The following CSMD2 variants were observed in gnomAD, a reference collection of about 807,000 sequenced individuals.
CSMD2 encodes CUB and sushi domain-containing protein 2.
Under a neutral mutation model 398.5 loss-of-function variants are expected in CSMD2, and 130 were observed. That is an observed-to-expected ratio of 0.33 (90% CI 0.28 to 0.38). The LOEUF (loss-of-function observed/expected upper bound fraction) is 0.38. Ranked by LOEUF, CSMD2 falls within the 10% of genes least tolerant of loss-of-function variation. The pLI is 1.00. For synonymous variants in CSMD2, 1,828 were observed against 1,908.5 expected, an observed-to-expected ratio of 0.96 and a Z score of 1.10; for missense variants, 3,829 against 4,764.9, an observed-to-expected ratio of 0.80 and a Z score of 5.78.
At chr1:33,926,174 T>A (rs1644121734) in intron 4 of CSMD2, among the ~76,000 whole-genome samples, 2 of 152,228 alleles carry the variant, frequency 1.3e-5, no homozygotes, top group South Asian at 4.1e-4. Flanking sequence ...GCAGATTTCC[T>A]GGCATACAGC....
At chr1:33,817,538 A>T (rs909759698) in intron 9 of CSMD2, among the ~76,000 whole-genome samples, 1 of 152,216 alleles carries the variant, frequency 6.6e-6, no homozygotes, top group Non-Finnish European at 1.5e-5. Flanking sequence ...GTATGATTGC[A>T]ATAGGATTAG....
At chr1:33,705,495 G>C (rs576588959) in intron 22 of CSMD2, among the ~76,000 whole-genome samples, 1 of 152,244 alleles carries the variant, frequency 6.6e-6, no homozygotes, top group South Asian at 2.1e-4. Context: ...TTGGGAGATG[G>C]TTCTTTATTT....
intron 3 of CSMD2, among the ~76,000 whole-genome samples, chr1:33,995,288 T>C (rs1171878923): frequency 6.6e-6 from 1 of 152,196 alleles, no homozygotes; most frequent in Non-Finnish European, 1.5e-5. Context: ...GTCCCAGTTG[T>C]ATATGCACGT....
intron 53 of CSMD2, among the ~76,000 whole-genome samples, chr1:33,564,769 G>A (rs1658898053): frequency 6.6e-6 from 1 of 151,638 alleles, no homozygotes; most frequent in Non-Finnish European, 1.5e-5. Context: ...TTTTTGAGAA[G>A]TTCTCATTAT....
At chr1:34,151,655 C>T (rs12755908) in intron 1 of CSMD2, among the ~76,000 whole-genome samples, 64,853 of 151,944 alleles carry the variant, frequency 0.43, 14,626 homozygotes, top group Non-Finnish European at 0.5. Flanking sequence ...AAAAGGTTGA[C>T]AGGCACACAT....
chr1:33,949,956 C>G (rs1345643814), intron 3 of CSMD2, among the ~76,000 whole-genome samples: 2 of 152,188 alleles, frequency 1.3e-5, no homozygotes, highest in East Asian at 3.9e-4. Context: ...TGCCCCAAAC[C>G]CATCTCTCCC....
At chr1:33,845,279 C>T (rs1661246031) in intron 6 of CSMD2, among the ~76,000 whole-genome samples, 1 of 152,224 alleles carries the variant, frequency 6.6e-6, no homozygotes, top group Non-Finnish European at 1.5e-5. Context: ...CCAGCTTCCT[C>T]AGCTGGAGAA....
intron 3 of CSMD2, among the ~76,000 whole-genome samples, chr1:33,978,753 G>A (rs914749500): frequency 6.6e-6 from 1 of 152,168 alleles, no homozygotes; most frequent in African/African-American, 2.4e-5. Context: ...AGACCCTTCT[G>A]TCTCTCCTGA....
At chr1:33,614,269 G>T (rs1024168373) in intron 40 of CSMD2, among the ~76,000 whole-genome samples, 1 of 151,796 alleles carries the variant, frequency 6.6e-6, no homozygotes, top group African/African-American at 2.4e-5. Flanking sequence ...TTAGTTTATG[G>T]CTCAAATAAT....
At chr1:33,523,687 G>T (rs373547527) in intron 66 of CSMD2, among the ~76,000 whole-genome samples, 2 of 152,288 alleles carry the variant, frequency 1.3e-5, no homozygotes, top group East Asian at 1.9e-4. Context: ...ATTGACACAG[G>T]CATGTGTGAG....
intron 9 of CSMD2, among the ~76,000 whole-genome samples, chr1:33,817,494 T>C (rs1341551075): frequency 6.6e-6 from 1 of 152,206 alleles, no homozygotes; most frequent in African/African-American, 2.4e-5. Context: ...GTCAGAGTTG[T>C]GATCTAGATC....
intron 6 of CSMD2, among the ~76,000 whole-genome samples, chr1:33,845,356 A>G (rs1661253626): frequency 6.6e-6 from 1 of 152,244 alleles, no homozygotes; most frequent in African/African-American, 2.4e-5. Flanking sequence ...GGCAATGTAC[A>G]TACAGTGCCT....
intron 24 of CSMD2, among the ~76,000 whole-genome samples, chr1:33,697,594 T>C (rs2149110528): frequency 6.6e-6 from 1 of 152,346 alleles, no homozygotes; most frequent in East Asian, 1.9e-4. Context: ...CCCTTGCACG[T>C]GCTCAGTCTA....
intron 28 of CSMD2, among the ~76,000 whole-genome samples, chr1:33,648,225 G>T (rs927169828): frequency 1.3e-5 from 2 of 152,102 alleles, no homozygotes; most frequent in Admixed American, 6.5e-5. Context: ...AGCCAGGCGT[G>T]GTGGTGGGCA....
intron 4 of CSMD2, among the ~76,000 whole-genome samples, chr1:33,928,686 A>G (rs898253391): frequency 6.6e-6 from 1 of 152,166 alleles, no homozygotes; most frequent in African/African-American, 2.4e-5. Context: ...GTAATTGCAA[A>G]AGTGATGGAA....
Position 33,571,518 on chromosome 1 carries a change from C to T in CSMD2, c.7957+14G>A, listed in dbSNP as rs1053233230. The T allele has an allele frequency of 2.8e-6, 4 of 1,429,282 alleles. No individual in the cohort carries two copies. The highest frequency in any genetic ancestry group is 3.7e-6 in the Non-Finnish European group (4 of 1,072,740). 88.5% of individuals were successfully genotyped at this position (1,429,282 alleles called of 1,614,324 possible). ...ACCCTGCTAAACTTGCCCACCCTCC[C>T]TTCCTGGGCTTACTTCGGCAGGTGG... is the stretch of plus-strand genomic sequence containing the variant. On this transcript the variant is annotated intron_variant, in intron 51 of 70. Transcript: ENST00000373381.
At chr1:33,809,479 G>T (rs1656606512) in intron 10 of CSMD2, among the ~76,000 whole-genome samples, 1 of 151,964 alleles carries the variant, frequency 6.6e-6, no homozygotes, top group African/African-American at 2.4e-5. Context: ...AAAGCTCTTA[G>T]CAAACTACGA....
intron 1 of CSMD2, among the ~76,000 whole-genome samples, chr1:34,093,044 T>C (rs1181012931): frequency 6.0e-5 from 9 of 150,518 alleles, no homozygotes; most frequent in South Asian, 2.1e-4. Context: ...GTTCTCCCAG[T>C]ACGCAGCTGG....
rs187026707 is a variant in CSMD2 at position 33,749,967 on chromosome 1, C to T, written c.1847-6361G>A. Among the ~76,000 whole-genome samples, 171 of 152,238 alleles carry T rather than the reference C, an allele frequency of 1.1e-3. 1 individual carries two copies. The highest frequency in any genetic ancestry group is 4.0e-3 in the African/African-American group (168 of 41,536). ...TGTATGATACACACACAATCATATC[C>T]ACCAACACAATGACACACCTACAGT... On this transcript the variant is annotated intron_variant, in intron 13 of 70. Transcript: ENST00000373381.
Sources: gnomAD v4.1 joint callset for allele counts (sites outside exome capture counted in the v4.1 genomes callset) on GRCh38, gnomAD v4.1.1 for gene constraint, MANE v1.5 for transcripts, NCBI Gene and HGNC (gene_info 2026-07-23, HGNC 2026-07-21) for gene names.